The following SLC9A9 variants were observed in gnomAD, a reference collection of about 807,000 sequenced individuals.
SLC9A9 encodes the protein solute carrier family 9 member A9, also known as sodium/hydrogen exchanger 9.
A neutral mutation model predicts 77.8 loss-of-function variants in SLC9A9; 62 were observed. The ratio of observed to expected loss-of-function variants is 0.80; its 90% CI spans 0.65 to 0.98. The LOEUF is 0.98. Ranked by LOEUF, SLC9A9 falls within the 50% of genes least tolerant of loss-of-function variation. SLC9A9 has a pLI of 0.00. For synonymous variants in SLC9A9, 320 were observed against 283.5 expected (o/e 1.13, Z -1.29); for missense variants, 775 against 774.9 (o/e 1.00, Z 0.00).
chr3:143,613,441 C>T (rs1314696426), intron 6 of SLC9A9, among the ~76,000 whole-genome samples: 1 of 152,140 alleles, frequency 6.6e-6, no homozygotes, highest in African/African-American at 2.4e-5. Context: ...TCAAATTTTG[C>T]AATCCAGTTT....
chr3:143,539,041 A>ATT (rs60479035), intron 9 of SLC9A9, among the ~76,000 whole-genome samples: 9 of 150,678 alleles, frequency 6.0e-5, no homozygotes, highest in African/African-American at 2.2e-4. Flanking sequence ...TAAAGCAGAG[A>ATT]TTTTTTTTTT....
intron 4 of SLC9A9, among the ~76,000 whole-genome samples, chr3:143,700,037 C>T (rs1188145524): frequency 1.3e-5 from 2 of 152,054 alleles, no homozygotes; most frequent in East Asian, 3.9e-4. Flanking sequence ...TGTGAGGCCC[C>T]TTTCCCAGGC....
chr3:143,432,193 C>T (rs896378726), intron 12 of SLC9A9, among the ~76,000 whole-genome samples: 1 of 152,126 alleles, frequency 6.6e-6, no homozygotes, highest in African/African-American at 2.4e-5. Flanking sequence ...TTCAAATGCT[C>T]AGAACAGTGC....
chr3:143,827,652 T>C (rs2009333692), intron 2 of SLC9A9, among the ~76,000 whole-genome samples: 1 of 152,136 alleles, frequency 6.6e-6, no homozygotes, highest in African/African-American at 2.4e-5. Context: ...ATCCCAGAAA[T>C]ACACGTGCTC....
At chr3:143,650,977 G>T (rs2038786306) in intron 6 of SLC9A9, among the ~76,000 whole-genome samples, 1 of 152,176 alleles carries the variant, frequency 6.6e-6, no homozygotes, top group African/African-American at 2.4e-5. Context: ...TGGTTGTGTC[G>T]GCATGATTCT....
chr3:143,386,074 C>T (rs955957442), intron 12 of SLC9A9, among the ~76,000 whole-genome samples: 4 of 152,200 alleles, frequency 2.6e-5, no homozygotes, highest in Admixed American at 1.3e-4. Context: ...TCTGTCTGAT[C>T]ACCACCTTGT....
At chr3:143,395,220 A>G (rs554371149) in intron 12 of SLC9A9, among the ~76,000 whole-genome samples, 22 of 152,308 alleles carry the variant, frequency 1.4e-4, no homozygotes, top group Non-Finnish European at 1.9e-4. Flanking sequence ...TACAGTAACC[A>G]AAACAGCATG....
chr3:143,386,147 T>C (rs963500982), intron 12 of SLC9A9, among the ~76,000 whole-genome samples: 4 of 152,196 alleles, frequency 2.6e-5, no homozygotes, highest in African/African-American at 9.6e-5. Context: ...TACTGAGACT[T>C]GGAGTGAAGT....
At chr3:143,677,030 G>A (rs970270852) in intron 5 of SLC9A9, among the ~76,000 whole-genome samples, 2 of 152,204 alleles carry the variant, frequency 1.3e-5, no homozygotes, top group Non-Finnish European at 2.9e-5. Flanking sequence ...ATTACTGTTT[G>A]ACTCTCGCTT....
chr3:143,323,827 T>C (rs968845482), intron 14 of SLC9A9, among the ~76,000 whole-genome samples: 2 of 152,154 alleles, frequency 1.3e-5, no homozygotes, highest in Non-Finnish European at 2.9e-5. Context: ...TTGCTTTTTT[T>C]CCCTCAACAT....
At chr3:143,783,116 C>G (rs371871943) in intron 4 of SLC9A9, among the ~76,000 whole-genome samples, 3 of 152,074 alleles carry the variant, frequency 2.0e-5, no homozygotes, top group Non-Finnish European at 2.9e-5. Flanking sequence ...CCGTTAAAAG[C>G]GCATATCCTC....
chr3:143,724,924 T>C (rs1934597764), intron 4 of SLC9A9, among the ~76,000 whole-genome samples: 1 of 152,060 alleles, frequency 6.6e-6, no homozygotes, highest in South Asian at 2.1e-4. Flanking sequence ...ATCCTCATGA[T>C]ACAGCCATGA....
chr3:143,573,429 C>A (rs1415544113), intron 8 of SLC9A9, among the ~76,000 whole-genome samples: 1 of 152,042 alleles, frequency 6.6e-6, no homozygotes, highest in Admixed American at 6.6e-5. Context: ...TTGCAGTAAC[C>A]CAAGCACAAA....
At position 143,423,520 on chromosome 3, in the gene SLC9A9, G is replaced by A. The variant is rs187833013; in HGVS notation, c.1470-41406C>T. On this transcript the variant is annotated intron_variant, in intron 12 of 15. Transcript: ENST00000316549. ...AAAATGATGAGAACATGTTAAGGGC[G>A]GAGCAGATGGATTAAAGGGGCTCCT... Among the ~76,000 whole-genome samples the A allele has an allele frequency of 4.3e-4, 65 of 152,202 alleles. 1 individual carries two copies. In the Middle Eastern group the frequency reaches 0.01, roughly 24 times the overall value.
chr3:143,555,328 A>T (rs2036962195), intron 8 of SLC9A9, among the ~76,000 whole-genome samples: 1 of 152,174 alleles, frequency 6.6e-6, no homozygotes, highest in South Asian at 2.1e-4. Context: ...TTCTTTATAA[A>T]TTATCCAGTC....
At chr3:143,593,706 T>C (rs551951348) in intron 6 of SLC9A9, among the ~76,000 whole-genome samples, 28 of 152,300 alleles carry the variant, frequency 1.8e-4, no homozygotes, top group African/African-American at 6.3e-4. Flanking sequence ...TAGTGAGAAA[T>C]AGCAAAATCC....
intron 5 of SLC9A9, among the ~76,000 whole-genome samples, chr3:143,667,133 G>C (rs1321064826): frequency 6.6e-6 from 1 of 152,158 alleles, no homozygotes; most frequent in Non-Finnish European, 1.5e-5. Context: ...CCAAAACAGA[G>C]ATATAGACCA....
At chr3:143,291,926 T>G (rs2030001493) in intron 14 of SLC9A9, among the ~76,000 whole-genome samples, 1 of 152,166 alleles carries the variant, frequency 6.6e-6, no homozygotes, top group African/African-American at 2.4e-5. Flanking sequence ...TTTAAATAAG[T>G]CCAGCTGGAG....
intron 12 of SLC9A9, among the ~76,000 whole-genome samples, chr3:143,408,554 G>T (rs2034029658): frequency 6.6e-6 from 1 of 152,206 alleles, no homozygotes; most frequent in South Asian, 2.1e-4. Flanking sequence ...AATAACCTCA[G>T]GTGAAACCGC....
Sources: gnomAD v4.1 joint callset for allele counts (sites outside exome capture counted in the v4.1 genomes callset) on GRCh38, gnomAD v4.1.1 for gene constraint, MANE v1.5 for transcripts, NCBI Gene and HGNC (gene_info 2026-07-23, HGNC 2026-07-21) for gene names.